KIAA1328: variants seen among roughly 807,000 people sequenced by gnomAD.
The protein encoded by KIAA1328 is KIAA1328.
Under a neutral mutation model 68.1 loss-of-function variants are expected in KIAA1328, and 52 were observed. The ratio of observed to expected loss-of-function variants is 0.76; its 90% CI spans 0.61 to 0.96. The LOEUF is 0.96. Among genes scored for constraint, KIAA1328 ranks in the 40% least tolerant of loss-of-function variants. The pLI is 0.00. For synonymous variants in KIAA1328, 232 were observed against 239.4 expected (o/e 0.97, Z 0.28); for missense variants, 641 against 677.6 (o/e 0.95, Z 0.60).
intron 6 of KIAA1328, among the ~76,000 whole-genome samples, chr18:37,018,410 C>T (rs1009861040): frequency 6.6e-6 from 1 of 152,054 alleles, no homozygotes; most frequent in South Asian, 2.1e-4. Context: ...TTTCATTTAG[C>T]ATTGACCTTG....
Position 37,173,021 on chromosome 18 carries a change from C to T in KIAA1328, c.1463C>T (p.Thr488Ile). ...GATGCGTCTACATCTCCTATGCCAACAGGAAGCCTAAAGGATTTTGTCACC... is the reference window on the plus strand; with the variant it reads ...GATGCGTCTACATCTCCTATGCCAATAGGAAGCCTAAAGGATTTTGTCACC... ...RKDASTSPMPTGSLKDFVTTA... is the reference protein window; with the variant it reads ...RKDASTSPMPIGSLKDFVTTA... The change falls in exon 9 of 10, where the codon ACA becomes ATA. Residue 488 changes from threonine (T) to isoleucine (I), a missense_variant. By Grantham distance (89) the Thr-to-Ile change is moderately conservative. Coordinates refer to ENST00000280020, the MANE Select transcript of KIAA1328 (RefSeq NM_020776.3). 1 of 1,613,680 alleles carries T rather than the reference C, an allele frequency of 6.2e-7. No individual in the cohort carries two copies. Among genetic ancestry groups the T allele is most frequent in the Non-Finnish European group, 8.5e-7 (1 of 1,179,684 alleles).
chr18:36,877,647 A>G (rs1601103070), intron 4 of KIAA1328, among the ~76,000 whole-genome samples: 1 of 141,402 alleles, frequency 7.1e-6, no homozygotes, highest in Non-Finnish European at 1.5e-5. Flanking sequence ...TCTTTATCCA[A>G]TTTGCCAGTC....
chr18:36,977,379 C>T lies in KIAA1328; in HGVS notation c.576+17944C>T, dbSNP rs986317544. On this transcript the variant is annotated intron_variant, in intron 6 of 9. Transcript: ENST00000280020. ...TTTGTCAATCTATTGCTCTGTTCAG[C>T]TTACACCTTTACACAGTGTTCAGAG... Among the ~76,000 whole-genome samples the T allele has an allele frequency of 5.9e-5, 9 of 152,306 alleles. No individual in the cohort carries two copies. The East Asian group carries it at 1.7e-3, about 29-fold the overall frequency.
chr18:37,097,557 GCT>G (rs1463786584), intron 7 of KIAA1328, among the ~76,000 whole-genome samples: 14 of 152,264 alleles, frequency 9.2e-5, no homozygotes, highest in East Asian at 1.9e-4. Context: ...GGTAATGTGG[GCT>G]CTTTTTTGGT....
intron 9 of KIAA1328, among the ~76,000 whole-genome samples, chr18:37,207,573 GT>G (rs1373042658): frequency 6.6e-6 from 1 of 152,156 alleles, no homozygotes. Flanking sequence ...TGTGTCTTGG[GT>G]TTTCTTTAAC....
intron 5 of KIAA1328, among the ~76,000 whole-genome samples, chr18:36,889,707 C>T (rs934771768): frequency 1.3e-5 from 2 of 152,102 alleles, no homozygotes; most frequent in Non-Finnish European, 2.9e-5. Flanking sequence ...GTGTAAAGGA[C>T]CTAGTCTAAG....
At chr18:36,839,260 T>G (rs542222469) in intron 3 of KIAA1328, among the ~76,000 whole-genome samples, 1 of 152,170 alleles carries the variant, frequency 6.6e-6, no homozygotes, top group Non-Finnish European at 1.5e-5. Context: ...ATTAAAAAAT[T>G]TTTTTGTTTA....
At chr18:36,976,854 G>A (rs1194558160) in intron 6 of KIAA1328, among the ~76,000 whole-genome samples, 2 of 152,028 alleles carry the variant, frequency 1.3e-5, no homozygotes, top group Non-Finnish European at 2.9e-5. Context: ...TTAGGATTTG[G>A]AATTTATTAT....
intron 7 of KIAA1328, among the ~76,000 whole-genome samples, chr18:37,082,122 C>T (rs1324754162): frequency 6.8e-6 from 1 of 146,866 alleles, no homozygotes; most frequent in Admixed American, 6.8e-5. Flanking sequence ...ATACTTTTAA[C>T]TTTTATATAT....
chr18:37,152,112 A>C (rs1405208919), intron 7 of KIAA1328, among the ~76,000 whole-genome samples: 1 of 151,820 alleles, frequency 6.6e-6, no homozygotes, highest in Non-Finnish European at 1.5e-5. Flanking sequence ...AAAAAAAAAA[A>C]AAAAACAGAT....
At chr18:37,138,123 T>C (rs2058685579) in intron 7 of KIAA1328, among the ~76,000 whole-genome samples, 1 of 152,220 alleles carries the variant, frequency 6.6e-6, no homozygotes, top group South Asian at 2.1e-4. Context: ...TAAATAATGA[T>C]AATAATGGAA....
Position 37,101,708 on chromosome 18 carries a change from A to G in KIAA1328, c.1232+34163A>G, listed in dbSNP as rs1487546166. On this transcript the variant is annotated intron_variant, in intron 7 of 9. Transcript: ENST00000280020. Reference sequence around the variant, plus strand: ...CTCAAGAAGAGCAACTCCAAGACACATAATTGTCAGATTCACCAAAGTTGA... The same window carrying G: ...CTCAAGAAGAGCAACTCCAAGACACGTAATTGTCAGATTCACCAAAGTTGA... Among the ~76,000 whole-genome samples the G allele has an allele frequency of 3.3e-5, 5 of 152,362 alleles. No homozygotes were observed. In the East Asian group the frequency reaches 7.7e-4, roughly 24 times the overall value.
chr18:36,995,419 C>T (rs985158409), intron 6 of KIAA1328, among the ~76,000 whole-genome samples: 10 of 152,136 alleles, frequency 6.6e-5, no homozygotes, highest in African/African-American at 1.9e-4. Context: ...AATAAATATA[C>T]GTGTGCATCA....
chr18:37,067,362 G>T lies in KIAA1328; in HGVS notation c.1049G>T (p.Gly350Val). The change falls in exon 7 of 10, where the codon GGG (glycine) becomes GTG (valine). Residue 350 changes from glycine (G) to valine (V), a missense_variant. By Grantham distance (109) the Gly-to-Val change is moderately radical. Transcript: ENST00000280020. ...TGGGCATCTCTGGTGCATGGTGGTGGGGCACTGCAACCCATTGAAACTTTG... is the reference window on the plus strand; with the variant it reads ...TGGGCATCTCTGGTGCATGGTGGTGTGGCACTGCAACCCATTGAAACTTTG... ...LSWASLVHGGGALQPIETLKK... is the reference protein window; with the variant it reads ...LSWASLVHGGVALQPIETLKK... The T allele has an allele frequency of 6.2e-7, 1 of 1,613,788 alleles. No individual in the cohort carries two copies. Among genetic ancestry groups the T allele is most frequent in the Non-Finnish European group, 8.5e-7 (1 of 1,179,824 alleles).
At chr18:37,027,668 T>G (rs1200282598) in intron 6 of KIAA1328, among the ~76,000 whole-genome samples, 1 of 152,168 alleles carries the variant, frequency 6.6e-6, no homozygotes, top group Non-Finnish European at 1.5e-5. Flanking sequence ...TAGCCATATG[T>G]AGAAAGCTGA....
intron 6 of KIAA1328, among the ~76,000 whole-genome samples, chr18:37,025,913 C>G (rs1261530907): frequency 6.6e-6 from 1 of 152,032 alleles, no homozygotes; most frequent in Non-Finnish European, 1.5e-5. Flanking sequence ...AAAAACCCTT[C>G]AAAAAATCAA....
intron 6 of KIAA1328, among the ~76,000 whole-genome samples, chr18:37,022,136 G>A (rs927712348): frequency 2.6e-5 from 4 of 152,050 alleles, no homozygotes; most frequent in African/African-American, 9.7e-5. Flanking sequence ...AGGAACCTTA[G>A]CATGTGCCTC....
At chr18:36,900,851 G>A (rs1204222356) in intron 5 of KIAA1328, among the ~76,000 whole-genome samples, 2 of 151,758 alleles carry the variant, frequency 1.3e-5, no homozygotes, top group Non-Finnish European at 2.9e-5. Context: ...ACAAATCAGG[G>A]ATGCTTTTCC....
chr18:37,024,720 T>C (rs1360988611), intron 6 of KIAA1328, among the ~76,000 whole-genome samples: 5 of 152,346 alleles, frequency 3.3e-5, no homozygotes, highest in African/African-American at 1.2e-4. Flanking sequence ...TCATTTTTTA[T>C]TGCTGCATAG....
Sources: gnomAD v4.1 joint callset for allele counts (sites outside exome capture counted in the v4.1 genomes callset) on GRCh38, gnomAD v4.1.1 for gene constraint, MANE v1.5 for transcripts, NCBI Gene and HGNC (gene_info 2026-07-23, HGNC 2026-07-21) for gene names.